FBXL17: variants seen among roughly 807,000 people sequenced by gnomAD.
FBXL17 encodes F-box and leucine rich repeat protein 17, also known as F-box/LRR-repeat protein 17.
FBXL17 carries 22 observed loss-of-function variants against 66.2 expected under a neutral mutation model. The observed-to-expected ratio is 0.33, with a 90% confidence interval of 0.24 to 0.47. The LOEUF is 0.47. Ranked by LOEUF, FBXL17 falls within the 20% of genes least tolerant of loss-of-function variation. The probability of loss-of-function intolerance (pLI) is 1.00; values close to 1 mark genes in which losing one functional copy is unlikely to be tolerated. For synonymous variants in FBXL17, 474 were observed against 400.5 expected (o/e 1.18, Z -2.19); for missense variants, 878 against 948.2 (o/e 0.93, Z 0.97).
At chr5:108,364,680 G>A in intron 3 of FBXL17, 58 bp downstream of exon 3, 2 of 1,354,896 alleles carry the variant, frequency 1.5e-6, no homozygotes, top group Non-Finnish European at 2.1e-6. Context: ...AAATGTTGTT[G>A]CTAGAAAACA....
At chr5:108,081,504 G>A (rs1440944656) in intron 6 of FBXL17, among the ~76,000 whole-genome samples, 5 of 151,996 alleles carry the variant, frequency 3.3e-5, no homozygotes, top group African/African-American at 1.2e-4. Flanking sequence ...AGCGGATCAC[G>A]AGGTCAGGAA....
intron 6 of FBXL17, among the ~76,000 whole-genome samples, chr5:108,036,594 C>T (rs965499611): frequency 1.3e-5 from 2 of 152,136 alleles, no homozygotes; most frequent in Non-Finnish European, 2.9e-5. Context: ...TCATAGTGAC[C>T]ATTGCTCCTA....
chr5:108,348,367 T>C, intron 4 of FBXL17, 32 bp downstream of exon 4: 1 of 1,509,270 alleles, frequency 6.6e-7, no homozygotes, highest in Non-Finnish European at 9.0e-7. Flanking sequence ...AGGAACAAAA[T>C]GAACAATACA....
At chr5:108,263,825 A>G (rs537154505) in intron 4 of FBXL17, among the ~76,000 whole-genome samples, 1 of 152,194 alleles carries the variant, frequency 6.6e-6, no homozygotes, top group South Asian at 2.1e-4. Context: ...AAAACCCATG[A>G]TATGGGAGAA....
At chr5:108,369,494 T>A (rs1457665680) in intron 1 of FBXL17, among the ~76,000 whole-genome samples, 2 of 152,200 alleles carry the variant, frequency 1.3e-5, no homozygotes. Flanking sequence ...TTACAGAGTT[T>A]GACTGCTTTC....
At chr5:108,255,933 G>C (rs1353392862) in intron 4 of FBXL17, among the ~76,000 whole-genome samples, 1 of 152,140 alleles carries the variant, frequency 6.6e-6, no homozygotes, top group East Asian at 1.9e-4. Flanking sequence ...CAAGGCGTAA[G>C]GCAAGGGCAA....
chr5:108,161,854 G>A (rs1752231806), intron 6 of FBXL17, among the ~76,000 whole-genome samples: 1 of 152,174 alleles, frequency 6.6e-6, no homozygotes, highest in Non-Finnish European at 1.5e-5. Flanking sequence ...TAAAAGGCAG[G>A]TTAAGGAATT....
chr5:107,996,984 G>T (rs545123595), intron 7 of FBXL17, among the ~76,000 whole-genome samples: 1 of 152,336 alleles, frequency 6.6e-6, no homozygotes, highest in East Asian at 1.9e-4. Context: ...TTAGAGGGAA[G>T]ATGAGGAATA....
chr5:107,961,031 C>T (rs1325917059), intron 7 of FBXL17, among the ~76,000 whole-genome samples: 1 of 152,008 alleles, frequency 6.6e-6, no homozygotes, highest in African/African-American at 2.4e-5. Context: ...AAAGTGAAGT[C>T]TAAGCTGAGT....
chr5:107,911,301 A>C (rs1020873226), intron 7 of FBXL17, among the ~76,000 whole-genome samples: 9 of 152,154 alleles, frequency 5.9e-5, no homozygotes, highest in African/African-American at 2.2e-4. Flanking sequence ...TAAATGATGT[A>C]GAGAAAATTC....
chr5:108,375,291 T>G (rs1227072353), intron 1 of FBXL17, among the ~76,000 whole-genome samples: 3 of 151,800 alleles, frequency 2.0e-5, no homozygotes, highest in Non-Finnish European at 4.4e-5. Flanking sequence ...CCCAGGAGTT[T>G]AAGGCTGCAC....
At chr5:108,144,928 C>T (rs918262235) in intron 6 of FBXL17, among the ~76,000 whole-genome samples, 3 of 152,058 alleles carry the variant, frequency 2.0e-5, no homozygotes, top group African/African-American at 7.2e-5. Flanking sequence ...ATTTTGCTAA[C>T]TTTTCTATAT....
chr5:108,068,933 G>A (rs286745), intron 6 of FBXL17, among the ~76,000 whole-genome samples: 6,772 of 152,214 alleles, frequency 0.044, 519 homozygotes, highest in African/African-American at 0.15. Context: ...CTAGCTAATG[G>A]GGTGATTAGA....
chr5:107,861,511 T>C lies in FBXL17; in HGVS notation c.*209A>G. 5.1e-6 allele frequency: 2 copies of C among 394,196 alleles called. No individual in the cohort carries two copies. The highest frequency in any genetic ancestry group is 4.1e-5 in the African/African-American group (2 of 48,558). The allele number at this position is 394,196 out of a possible 1,614,324, so 24.4% of individuals were successfully genotyped here. A position where few individuals can be genotyped will look rare whatever the true frequency, so the allele number is the denominator to read the frequency against. On this transcript the variant is annotated 3_prime_UTR_variant, in exon 9 of 9. Coordinates refer to ENST00000542267, the MANE Select transcript of FBXL17 (RefSeq NM_001163315.3). ...TAAAAAGTTTGTGGCTTTCATAATC[T>C]TTAATTTCTAAGAAAAAAAGCCAGC...
At chr5:108,165,853 TAGTC>T (rs1752396006) in intron 6 of FBXL17, among the ~76,000 whole-genome samples, 1 of 152,234 alleles carries the variant, frequency 6.6e-6, no homozygotes, top group Non-Finnish European at 1.5e-5. Flanking sequence ...ATGTACACTT[TAGTC>T]AGTTTGTACA....
chr5:108,029,780 T>G (rs573813979), intron 6 of FBXL17, among the ~76,000 whole-genome samples: 2 of 152,134 alleles, frequency 1.3e-5, no homozygotes, highest in African/African-American at 4.8e-5. Context: ...TTGGTTATTT[T>G]TTTTTTAACC....
At chr5:108,200,932 G>A (rs540110377) in intron 5 of FBXL17, among the ~76,000 whole-genome samples, 11 of 152,146 alleles carry the variant, frequency 7.2e-5, no homozygotes, top group South Asian at 2.1e-4. Context: ...CTAGAGAAGC[G>A]GGATCTCAAA....
At chr5:107,991,823 T>C (rs928578574) in intron 7 of FBXL17, among the ~76,000 whole-genome samples, 1 of 152,178 alleles carries the variant, frequency 6.6e-6, no homozygotes, top group African/African-American at 2.4e-5. Flanking sequence ...ATCCTTTCAT[T>C]AGCTTGGAAA....
chr5:108,296,249 G>C (rs1758345790), intron 4 of FBXL17, among the ~76,000 whole-genome samples: 1 of 151,778 alleles, frequency 6.6e-6, no homozygotes, highest in Admixed American at 6.6e-5. Flanking sequence ...ATGACATTAA[G>C]TGGATAAGGA....
Sources: gnomAD v4.1 joint callset for allele counts (sites outside exome capture counted in the v4.1 genomes callset) on GRCh38, gnomAD v4.1.1 for gene constraint, MANE v1.5 for transcripts, NCBI Gene and HGNC (gene_info 2026-07-23, HGNC 2026-07-21) for gene names.